TXLNA: variants seen among roughly 807,000 people sequenced by gnomAD.
The protein encoded by TXLNA is alpha-taxilin.
A neutral mutation model predicts 61.4 loss-of-function variants in TXLNA; 9 were observed. The observed-to-expected ratio is 0.15, with a 90% CI of 0.09 to 0.26. The LOEUF is 0.26. TXLNA is among the 10% of genes least tolerant of loss of function. The pLI is 1.00. For synonymous variants in TXLNA, 257 were observed against 267.7 expected, an observed-to-expected ratio of 0.96 and a Z score of 0.39; for missense variants, 565 against 688.8, an observed-to-expected ratio of 0.82 and a Z score of 2.01.
At chr1:32,181,742 G>A (rs1319588730) in intron 3 of TXLNA, among the ~76,000 whole-genome samples, 165 bp downstream of exon 3, 1 of 152,200 alleles carries the variant, frequency 6.6e-6, no homozygotes, top group Non-Finnish European at 1.5e-5. Flanking sequence ...CCACGGCATA[G>A]AGAGATGCAG....
At chr1:32,184,738 T>C (rs1569602352) in intron 4 of TXLNA, 122 bp downstream of exon 4, 1 of 619,208 alleles carries the variant, frequency 1.6e-6, no homozygotes, top group East Asian at 2.6e-5. Context: ...TTCTCTGAAC[T>C]ATCTGTTAAA....
At chr1:32,194,560 G>A (rs534666894) in intron 10 of TXLNA, among the ~76,000 whole-genome samples, 3 of 152,184 alleles carry the variant, frequency 2.0e-5, no homozygotes, top group Non-Finnish European at 2.9e-5. Flanking sequence ...TTTTGCTGCT[G>A]AATGTTTTTA....
Position 32,187,980 on chromosome 1 carries a change from G to A in TXLNA, c.624G>A (p.Lys208=). 1 of 1,613,930 alleles carries A rather than the reference G, an allele frequency of 6.2e-7. No homozygotes were observed. Among genetic ancestry groups the A allele is most frequent in the Non-Finnish European group, 8.5e-7 (1 of 1,179,892 alleles). ...ELLEEHRNSQ[K]QMKLLQKKQS... ...TGGAGGAGCACCGGAATTCACAGAA[G>A]CAGATGAAGCTCCTACAGAAAAAGC... is the stretch of plus-strand genomic sequence containing the variant. Residue 208 remains lysine, a synonymous_variant, in exon 5 of 11, where the codon AAG becomes AAA. Transcript: ENST00000373610.
At position 32,197,170 on chromosome 1, in the gene TXLNA, CT is replaced by C. The variant is rs1358453611; in HGVS notation, c.*1976del. ...CTAAGCTGGTACAAGAGCTGCCAAC[CT>C]CACAGAGTGTTTGCTAGGCGAGAGA... On this transcript the variant is annotated 3_prime_UTR_variant, in exon 11 of 11. Transcript: ENST00000373610. This position sits in a 1 kb window ranked among gnomAD's most constrained non-coding sequence, Gnocchi z 4.6. 6.6e-6 allele frequency: 1 copy of C among 152,384 alleles called. No individual in the cohort carries two copies. The highest frequency in any genetic ancestry group is 2.4e-5 in the African/African-American group (1 of 41,444). 9.4% of individuals were successfully genotyped at this position (152,384 alleles called of 1,614,324 possible).
intron 2 of TXLNA, 44 bp from the exon 3 acceptor site, chr1:32,181,198 A>G: frequency 6.8e-7 from 1 of 1,471,898 alleles, no homozygotes; most frequent in Non-Finnish European, 9.0e-7. Context: ...CAGTGGTATA[A>G]TCGTCTTCTT....
At chr1:32,180,546 G>T in intron 2 of TXLNA, 32 bp downstream of exon 2, 1 of 1,565,510 alleles carries the variant, frequency 6.4e-7, no homozygotes, top group Non-Finnish European at 8.6e-7. Context: ...CCAGCGGGCA[G>T]GGGGAGGAGC....
rs1387900650 is a variant in TXLNA at position 32,198,284 on chromosome 1, T to TA, written c.*3090dup. 1.3e-5 allele frequency: 2 copies of TA among 152,308 alleles called. No homozygotes were observed. Among genetic ancestry groups the TA allele is most frequent in the African/African-American group, 2.4e-5 (1 of 41,472 alleles). The allele number at this position is 152,308 out of a possible 1,614,324, so 9.4% of individuals were successfully genotyped here. A position where few individuals can be genotyped will look rare whatever the true frequency, so the allele number is the denominator to read the frequency against. On this transcript the variant is annotated 3_prime_UTR_variant, in exon 11 of 11. Transcript: ENST00000373610. ...ACATTAAATAAAGAGTCTGTTGCCT[T>TA]ACTTGTTTCTCTCCTGACCTGTGTA...
In TXLNA at chr1:32,195,150, A is replaced by G; in HGVS notation, c.1596A>G (p.Ala532=). 1 of 1,613,286 alleles carries G rather than the reference A, an allele frequency of 6.2e-7. No individual in the cohort carries two copies. Among genetic ancestry groups the G allele is most frequent in the Non-Finnish European group, 8.5e-7 (1 of 1,179,604 alleles). ...PCYPGAPSTE[A]SGQTGPQEPT... ...ACCCAGGAGCACCGAGCACAGAAGC[A>G]TCAGGCCAGACTGGGCCTCAAGAGC... is the stretch of plus-strand genomic sequence containing the variant. Residue 532 remains alanine, a synonymous_variant, in exon 11 of 11, where the codon GCA becomes GCG. Coordinates refer to ENST00000373610, the MANE Select transcript of TXLNA (RefSeq NM_175852.4).
rs112961661 is a variant in TXLNA, at chr1:32,185,977, T to C, written c.597+1361T>C. ...CCTCCCAAAGTGCTGGGATTACAGG[T>C]GTGAGCCACTGTGCCTGGCCTCTAA... On this transcript the variant is annotated intron_variant, in intron 4 of 10. Coordinates refer to ENST00000373610, the MANE Select transcript of TXLNA (RefSeq NM_175852.4). 2.6e-4 allele frequency among the ~76,000 whole-genome samples: 39 copies of C among 152,124 alleles called. 1 individual carries two copies. The highest frequency in any genetic ancestry group is 9.2e-4 in the African/African-American group (38 of 41,518).
chr1:32,190,000 G>T, intron 5 of TXLNA, 55 bp from the exon 6 acceptor site: 1 of 1,503,780 alleles, frequency 6.6e-7, no homozygotes, highest in South Asian at 1.3e-5. Context: ...ACTAGCTGGG[G>T]GACCCTTGTG....
In TXLNA at chr1:32,194,207, G is replaced by A. The variant is rs12565348; in HGVS notation, c.1347+47G>A. The A allele has an allele frequency of 2.8e-4, 411 of 1,475,030 alleles. 1 individual carries two copies. The East Asian group carries it at 6.1e-3, about 22-fold the overall frequency. The allele number at this position is 1,475,030 out of a possible 1,614,324, so 91.4% of individuals were successfully genotyped here. On this transcript the variant is annotated intron_variant, in intron 10 of 10. Transcript: ENST00000373610. The stretch of plus-strand genomic sequence containing the variant: ...GCCAGGGTGGGGGTGTGCACTTAGC[G>A]CATATCAGGCCCTTTCCTGTATGTT...
At position 32,196,723 on chromosome 1, in the gene TXLNA, T is replaced by C. The variant is rs1643034052; in HGVS notation, c.*1528T>C. ...GGGCTTTGCTTCTTGCTGTTTTTCTTTGAAGCTAGTTCATTGTCCTGCAGG... is the reference window on the plus strand; with the variant it reads ...GGGCTTTGCTTCTTGCTGTTTTTCTCTGAAGCTAGTTCATTGTCCTGCAGG... On this transcript the variant is annotated 3_prime_UTR_variant, in exon 11 of 11. Coordinates refer to ENST00000373610, the MANE Select transcript of TXLNA (RefSeq NM_175852.4). 6.6e-6 allele frequency: 1 copy of C among 152,266 alleles called. No individual in the cohort carries two copies. Among genetic ancestry groups the C allele is most frequent in the East Asian group, 1.9e-4 (1 of 5,202 alleles). 9.4% of individuals were successfully genotyped at this position (152,266 alleles called of 1,614,324 possible).
intron 9 of TXLNA, 73 bp downstream of exon 9, chr1:32,193,373 C>G: frequency 1.7e-6 from 2 of 1,156,902 alleles, no homozygotes; most frequent in Non-Finnish European, 2.6e-6. Context: ...GGCCTGCCTT[C>G]AGGAAGCTCC....
chr1:32,190,215 A>G lies in TXLNA; in HGVS notation c.929A>G (p.Lys310Arg), dbSNP rs761579701. The G allele has an allele frequency of 1.2e-6, 2 of 1,606,148 alleles. No homozygotes were observed. Among genetic ancestry groups the G allele is most frequent in the East Asian group, 2.2e-5 (1 of 44,664 alleles). ...AACATGGAGCTGGCTGAGAGGCTCAAGAAGCTGATTGAGCAGTATGAGCTG... is the reference window on the plus strand; with the variant it reads ...AACATGGAGCTGGCTGAGAGGCTCAGGAAGCTGATTGAGCAGTATGAGCTG... ...QENMELAERL[K>R]KLIEQYELRE... The change falls in exon 6 of 11, where the codon AAG becomes AGG. Residue 310 changes from lysine (K) to arginine (R), a missense_variant. Around this residue, in one of 2 missense-constraint regions of TXLNA, gnomAD observed 373 missense variants for 504.0 expected, o/e 0.74. Transcript: ENST00000373610.
Position 32,196,620 on chromosome 1 carries a change from A to G in TXLNA, c.*1425A>G, listed in dbSNP as rs1004352661. The G allele has an allele frequency of 6.6e-6, 1 of 152,274 alleles. No homozygotes were observed. The highest frequency in any genetic ancestry group is 2.4e-5 in the African/African-American group (1 of 41,456). 9.4% of individuals were successfully genotyped at this position (152,274 alleles called of 1,614,324 possible). Reference sequence around the variant, plus strand: ...AATGTTCTGCTGTTGCAAACTTGCCAGGGTATTAGCCAGTGTTTGTGCCAA... The same window carrying G: ...AATGTTCTGCTGTTGCAAACTTGCCGGGGTATTAGCCAGTGTTTGTGCCAA... On this transcript the variant is annotated 3_prime_UTR_variant, in exon 11 of 11. Transcript: ENST00000373610.
intron 10 of TXLNA, among the ~76,000 whole-genome samples, chr1:32,194,666 C>A (rs1642976880): frequency 6.6e-6 from 1 of 152,126 alleles, no homozygotes; most frequent in South Asian, 2.1e-4. Flanking sequence ...AGTCCTTTGC[C>A]AAGGTCACGT....
intron 10 of TXLNA, among the ~76,000 whole-genome samples, chr1:32,194,379 A>G (rs1231748768): frequency 6.6e-6 from 1 of 152,184 alleles, no homozygotes; most frequent in Non-Finnish European, 1.5e-5. Context: ...AAATGGAAGA[A>G]AGGAATAAAA....
At chr1:32,184,358 G>A (rs1475252256) in intron 3 of TXLNA, among the ~76,000 whole-genome samples, 167 bp from the exon 4 acceptor site, 1 of 152,332 alleles carries the variant, frequency 6.6e-6, no homozygotes, top group East Asian at 1.9e-4. Flanking sequence ...TGGGGCTATA[G>A]TGAGGGCAGG....
At position 32,193,189 on chromosome 1, in the gene TXLNA, G is replaced by A; in HGVS notation, c.1159-19G>A. On this transcript the variant is annotated intron_variant, in intron 8 of 10. Coordinates refer to ENST00000373610, the MANE Select transcript of TXLNA (RefSeq NM_175852.4). ...CCAGAGAAACCCAGTCTTATCTGTGGGCTGCTTTCTCCCCACAGCTTGCCC... is the reference window on the plus strand; with the variant it reads ...CCAGAGAAACCCAGTCTTATCTGTGAGCTGCTTTCTCCCCACAGCTTGCCC... The A allele has an allele frequency of 6.3e-7, 1 of 1,590,454 alleles. No homozygotes were observed.
Sources: allele counts gnomAD v4.1 joint callset (sites outside exome capture counted in the v4.1 genomes callset), GRCh38; gene constraint gnomAD v4.1.1; regional missense constraint gnomAD v4.1.1; non-coding constraint Gnocchi (gnomAD v3.1); transcripts MANE v1.5; gene names NCBI Gene and HGNC (gene_info 2026-07-23, HGNC 2026-07-21).